The following TOX3 variants were observed in gnomAD, a reference collection of about 807,000 sequenced individuals.
TOX3 encodes the protein CAG trinucleotide repeat-containing gene F9 protein.
TOX3 carries 22 observed loss-of-function variants against 64.3 expected under a neutral mutation model. The observed-to-expected ratio is 0.34, with a 90% CI of 0.24 to 0.49. The LOEUF (loss-of-function observed/expected upper bound fraction) is 0.49. TOX3 is among the 20% of genes least tolerant of loss of function. TOX3 has a pLI of 0.99. For missense variants in TOX3, 661 were observed against 714.4 expected, an observed-to-expected ratio of 0.93 and a Z score of 0.85; for synonymous variants, 291 against 273.6, an observed-to-expected ratio of 1.06 and a Z score of -0.63.
At chr16:52,535,242 A>G (rs552393677) in intron 1 of TOX3, among the ~76,000 whole-genome samples, 462 of 152,100 alleles carry the variant, frequency 3.0e-3, no homozygotes, top group Non-Finnish European at 3.8e-3. Flanking sequence ...CTTCCTCTCC[A>G]CTCACTCCTT....
chr16:52,479,902 C>G (rs960442073), intron 1 of TOX3, among the ~76,000 whole-genome samples: 3 of 152,212 alleles, frequency 2.0e-5, no homozygotes, highest in Non-Finnish European at 4.4e-5. Flanking sequence ...TGGGTATCAT[C>G]TTCAAGGATG....
intron 1 of TOX3, among the ~76,000 whole-genome samples, chr16:52,491,600 G>C (rs1961689185): frequency 6.6e-6 from 1 of 152,008 alleles, no homozygotes; most frequent in South Asian, 2.1e-4. Flanking sequence ...CATGTCTTTG[G>C]GTAATTATTG....
intron 1 of TOX3, among the ~76,000 whole-genome samples, chr16:52,515,499 G>A (rs1374883079): frequency 6.6e-6 from 1 of 152,182 alleles, no homozygotes; most frequent in Non-Finnish European, 1.5e-5. Flanking sequence ...TTCCCTACCA[G>A]CTTTGGGAAG....
chr16:52,523,607 C>A (rs1962661060), intron 1 of TOX3, among the ~76,000 whole-genome samples: 1 of 152,150 alleles, frequency 6.6e-6, no homozygotes, highest in Admixed American at 6.6e-5. Context: ...TAAAGACTGA[C>A]AGGGAACCAA....
Position 52,547,070 on chromosome 16 carries a change from G to C in TOX3, c.-347C>G, listed in dbSNP as rs1596877758. 2 of 401,240 alleles carry C rather than the reference G, an allele frequency of 5.0e-6. No individual in the cohort carries two copies. The highest frequency in any genetic ancestry group is 6.7e-6 in the Non-Finnish European group (2 of 298,208). 24.9% of individuals were successfully genotyped at this position (401,240 alleles called of 1,614,324 possible). A position where few individuals can be genotyped will look rare whatever the true frequency, so the allele number is the denominator to read the frequency against. ...CAGGTGCGCTGGGCGAGGCTGGGAC[G>C]GCGGCGGCGGCGGCGGCTGGCCCCG... On this transcript the variant is annotated 5_prime_UTR_variant, in exon 1 of 7. Coordinates refer to ENST00000219746, the MANE Select transcript of TOX3 (RefSeq NM_001080430.4).
chr16:52,460,132 C>T (rs1960643873), intron 3 of TOX3, among the ~76,000 whole-genome samples: 1 of 152,086 alleles, frequency 6.6e-6, no homozygotes, highest in Non-Finnish European at 1.5e-5. Context: ...TACTCAAATA[C>T]TTTCCTTACT....
chr16:52,545,621 A>G (rs1963157098), intron 1 of TOX3, among the ~76,000 whole-genome samples: 1 of 152,170 alleles, frequency 6.6e-6, no homozygotes, highest in Admixed American at 6.5e-5. Context: ...AAAGAGAGGG[A>G]GGAGGGAGGA....
At chr16:52,464,608 A>T (rs1390522339) in intron 2 of TOX3, among the ~76,000 whole-genome samples, 1 of 152,226 alleles carries the variant, frequency 6.6e-6, no homozygotes, top group Admixed American at 6.5e-5. Flanking sequence ...TCCAGAAGTG[A>T]ACATTACATA....
At position 52,464,301 on chromosome 16, in the gene TOX3, A is replaced by G. The variant is rs1960789551; in HGVS notation, c.154-113T>C. On this transcript the variant is annotated intron_variant, in intron 2 of 6. Transcript: ENST00000219746. ...AACACTACATACATATCTAGGCCAAATATTTATTTCTCAAATGAAAATATC... is the reference window on the plus strand; with the variant it reads ...AACACTACATACATATCTAGGCCAAGTATTTATTTCTCAAATGAAAATATC... The G allele has an allele frequency of 7.1e-6, 8 of 1,132,416 alleles. No individual in the cohort carries two copies. The African/African-American group carries it at 1.1e-4, about 16-fold the overall frequency. The allele number at this position is 1,132,416 out of a possible 1,614,324, so 70.1% of individuals were successfully genotyped here. A position where few individuals can be genotyped will look rare whatever the true frequency, so the allele number is the denominator to read the frequency against.
rs79373206 is a variant in TOX3 at position 52,478,318 on chromosome 16, G to A, written c.88-9744C>T. On this transcript the variant is annotated intron_variant, in intron 1 of 6. Coordinates refer to ENST00000219746, the MANE Select transcript of TOX3 (RefSeq NM_001080430.4). The stretch of plus-strand genomic sequence containing the variant: ...GCCTGGTCCTCAGTTCTTTCTCTGG[G>A]CCACTCATTGCACTTGCTGTTCTTG... 4.6e-3 allele frequency among the ~76,000 whole-genome samples: 694 copies of A among 152,180 alleles called. 3 individuals are homozygous for A. Among genetic ancestry groups the A allele is most frequent in the Non-Finnish European group, 7.7e-3 (522 of 68,004 alleles).
chr16:52,473,554 C>T (rs937928466), intron 1 of TOX3, among the ~76,000 whole-genome samples: 10 of 152,246 alleles, frequency 6.6e-5, no homozygotes, highest in African/African-American at 2.2e-4. Context: ...AAAGTCCACA[C>T]GCACGTGAAG....
chr16:52,485,246 G>GTATATA (rs34195222), intron 1 of TOX3, among the ~76,000 whole-genome samples: 2,898 of 127,754 alleles, frequency 0.023, 55 homozygotes, highest in East Asian at 0.078. Flanking sequence ...ATGTGTGTGT[G>GTATATA]TATATATATA....
chr16:52,506,846 A>G (rs1245106281), intron 1 of TOX3, among the ~76,000 whole-genome samples: 1 of 152,220 alleles, frequency 6.6e-6, no homozygotes, highest in African/African-American at 2.4e-5. Context: ...CATCCACTGC[A>G]TCTAAGAAGC....
intron 1 of TOX3, among the ~76,000 whole-genome samples, chr16:52,485,646 A>T (rs1961511282): frequency 6.6e-6 from 1 of 152,152 alleles, no homozygotes; most frequent in South Asian, 2.1e-4. Context: ...CTGAATCTAA[A>T]ATAAAATAAA....
At chr16:52,530,559 A>T (rs1448125039) in intron 1 of TOX3, among the ~76,000 whole-genome samples, 1 of 151,896 alleles carries the variant, frequency 6.6e-6, no homozygotes, top group Non-Finnish European at 1.5e-5. Flanking sequence ...GTTGGCCAGG[A>T]TGGTCTGGAA....
At chr16:52,546,041 G>T (rs1963173497) in intron 1 of TOX3, among the ~76,000 whole-genome samples, 1 of 152,194 alleles carries the variant, frequency 6.6e-6, no homozygotes, top group African/African-American at 2.4e-5. Context: ...GGGGAGGGGC[G>T]GGCACCCCGG....
intron 1 of TOX3, among the ~76,000 whole-genome samples, chr16:52,518,196 G>A (rs977222592): frequency 3.3e-5 from 5 of 152,166 alleles, no homozygotes; most frequent in East Asian, 3.9e-4. Flanking sequence ...TATCTTTTCC[G>A]TATATACTTA....
intron 3 of TOX3, among the ~76,000 whole-genome samples, chr16:52,458,965 A>G (rs1290177471): frequency 2.6e-5 from 4 of 151,266 alleles, no homozygotes; most frequent in Non-Finnish European, 4.4e-5. Context: ...ACTGGTAGTC[A>G]AAAAAAAAGA....
intron 1 of TOX3, among the ~76,000 whole-genome samples, chr16:52,493,309 C>G (rs1961748405): frequency 6.6e-6 from 1 of 152,098 alleles, no homozygotes; most frequent in Admixed American, 6.5e-5. Flanking sequence ...ATCGTATAAC[C>G]ACATACATAT....
Sources: allele counts gnomAD v4.1 joint callset (sites outside exome capture counted in the v4.1 genomes callset), GRCh38; gene constraint gnomAD v4.1.1; transcripts MANE v1.5; gene names NCBI Gene and HGNC (gene_info 2026-07-23, HGNC 2026-07-21).